Variants in ZNF79 observed in about 807,000 individuals in gnomAD.
ZNF79 encodes the protein zinc finger protein 79, also known as ZNFpT7.
ZNF79 carries 13 observed loss-of-function variants against 14.9 expected under a neutral mutation model. That is an observed-to-expected ratio of 0.87 (90% confidence interval 0.57 to 1.38). ZNF79 has a LOEUF of 1.38. ZNF79 is among the 40% of genes most tolerant of loss of function. The probability of loss-of-function intolerance (pLI) is 0.00; values close to 1 mark genes in which losing one functional copy is unlikely to be tolerated. For synonymous variants in ZNF79, 223 were observed against 235.1 expected, an observed-to-expected ratio of 0.95 and a Z score of 0.47; for missense variants, 631 against 630.6, an observed-to-expected ratio of 1.00 and a Z score of -0.01.
chr9:127,444,840 G>C lies in ZNF79; in HGVS notation c.1140G>C (p.Gln380His). 6.2e-7 allele frequency: 1 copy of C among 1,613,440 alleles called. No homozygotes were observed. The highest frequency in any genetic ancestry group is 8.5e-7 in the Non-Finnish European group (1 of 1,179,804). The change falls in exon 5 of 5, where the codon CAG (glutamine) becomes CAC (histidine). Residue 380 changes from glutamine (Q) to histidine (H), a missense_variant. Gln to His is a conservative substitution (Grantham distance 24, BLOSUM62 0). Coordinates refer to ENST00000342483, the MANE Select transcript of ZNF79 (RefSeq NM_007135.3). ...AGAGTGCAAACCTCACAAACCATCAGAGGACTCACACTGGGGAGAAACCCT... is the reference window on the plus strand; with the variant it reads ...AGAGTGCAAACCTCACAAACCATCACAGGACTCACACTGGGGAGAAACCCT... ...FSQSANLTNH[Q>H]RTHTGEKPYK... is the part of the protein sequence containing the mutation.
rs116129232 is a variant in ZNF79 at position 127,438,836 on chromosome 9, C to T, written c.328+2833C>T. Among the ~76,000 whole-genome samples, 466 of 152,234 alleles carry T rather than the reference C, an allele frequency of 3.1e-3. 1 individual carries two copies. Among genetic ancestry groups the T allele is most frequent in the African/African-American group, 0.01 (423 of 41,538 alleles). On this transcript the variant is annotated intron_variant, in intron 4 of 4. Transcript: ENST00000342483. ...ACAAAAGACTGTAGCAATGGCTGGG[C>T]GCAGTGGCTCACGCTTGTAATCCTA... is the stretch of plus-strand genomic sequence containing the variant.
intron 2 of ZNF79, among the ~76,000 whole-genome samples, chr9:127,432,169 T>TG (rs1833871756): frequency 6.6e-6 from 1 of 150,520 alleles, no homozygotes; most frequent in African/African-American, 2.4e-5. Context: ...TTTTTTTTTT[T>TG]GATGGAGTCT....
intron 2 of ZNF79, among the ~76,000 whole-genome samples, chr9:127,432,151 A>ATTTTTTT (rs34862357): frequency 7.5e-6 from 1 of 134,020 alleles, no homozygotes; most frequent in Non-Finnish European, 1.6e-5. Context: ...TTATTTTTAA[A>ATTTTTTT]TTTTTTTTTT....
chr9:127,432,764 A>G (rs547100910), intron 2 of ZNF79, among the ~76,000 whole-genome samples: 42 of 152,240 alleles, frequency 2.8e-4, no homozygotes, highest in Non-Finnish European at 5.6e-4. Flanking sequence ...CTGACTGTCA[A>G]TGACTGGGTT....
rs75530087 is a variant in ZNF79 at position 127,438,485 on chromosome 9, C to T, written c.328+2482C>T. Among the ~76,000 whole-genome samples, 21 of 152,342 alleles carry T rather than the reference C, an allele frequency of 1.4e-4. No individual in the cohort carries two copies. The East Asian group carries it at 4.1e-3, about 29-fold the overall frequency. On this transcript the variant is annotated intron_variant, in intron 4 of 4. Coordinates refer to ENST00000342483, the MANE Select transcript of ZNF79 (RefSeq NM_007135.3). ...CCATGTGTTCAGCTCTCTGGAAGCT[C>T]TCTAAACCCTGCCCTCCTGGGCCTT...
At chr9:127,443,836 G>A (rs1341025648) in intron 4 of ZNF79, among the ~76,000 whole-genome samples, 193 bp from the exon 5 acceptor site, 1 of 151,354 alleles carries the variant, frequency 6.6e-6, no homozygotes, top group African/African-American at 2.4e-5. Flanking sequence ...AGGAGGCGGA[G>A]GTTGCAGTGA....
chr9:127,443,890 G>T (rs1834095582), intron 4 of ZNF79, 139 bp from the exon 5 acceptor site: 1 of 759,954 alleles, frequency 1.3e-6, no homozygotes, highest in Admixed American at 4.0e-5. Context: ...GACAGAGCGA[G>T]ACTCCGTCTC....
chr9:127,445,261 T>G lies in ZNF79; in HGVS notation c.*64T>G. 6.5e-7 allele frequency: 1 copy of G among 1,540,342 alleles called. No homozygotes were observed. Among genetic ancestry groups the G allele is most frequent in the East Asian group, 2.3e-5 (1 of 44,366 alleles). On this transcript the variant is annotated 3_prime_UTR_variant, in exon 5 of 5. Coordinates refer to ENST00000342483, the MANE Select transcript of ZNF79 (RefSeq NM_007135.3). ...CCGACTCAGGACAGGTGGGTGAGGA[T>G]CTGAGAAATGCTAAAGGCTTGAAAG...
intron 2 of ZNF79, among the ~76,000 whole-genome samples, chr9:127,431,448 C>T (rs536811745): frequency 2.0e-3 from 308 of 152,100 alleles, no homozygotes; most frequent in Non-Finnish European, 3.5e-3. Context: ...GGGGTTTTTC[C>T]TTTTTGGCTA....
intron 4 of ZNF79, among the ~76,000 whole-genome samples, chr9:127,439,111 C>CAAAAAAAAAGAA (rs57224126): frequency 3.4e-5 from 5 of 145,572 alleles, no homozygotes; most frequent in African/African-American, 5.2e-5. Flanking sequence ...GACTCTGTCA[C>CAAAAAAAAAGAA]AAAAAAAAAG....
In ZNF79 at chr9:127,444,377, G is replaced by T; in HGVS notation, c.677G>T (p.Cys226Phe). The part of the protein sequence containing the change: ...TGEKPYECSE[C>F]GKAFSQSSSL... ...GAGAAGCCCTATGAGTGCAGTGAATGTGGGAAGGCCTTCAGCCAGAGCTCA... is the reference window on the plus strand; with the variant it reads ...GAGAAGCCCTATGAGTGCAGTGAATTTGGGAAGGCCTTCAGCCAGAGCTCA... Residue 226 changes from cysteine to phenylalanine, a missense_variant, in exon 5 of 5, where the codon TGT becomes TTT. By Grantham distance (205) the Cys-to-Phe change is radical. Transcript: ENST00000342483. 1 of 1,612,646 alleles carries T rather than the reference G, an allele frequency of 6.2e-7. No individual in the cohort carries two copies. Among genetic ancestry groups the T allele is most frequent in the Non-Finnish European group, 8.5e-7 (1 of 1,178,786 alleles).
chr9:127,428,953 T>C, intron 2 of ZNF79, 33 bp downstream of exon 2: 1 of 1,461,844 alleles, frequency 6.8e-7, no homozygotes, highest in Non-Finnish European at 9.3e-7. Context: ...AAGGCATCCT[T>C]TTCTTCCCCC....
chr9:127,435,183 A>T lies in ZNF79; in HGVS notation c.199A>T (p.Ile67Leu). 6.2e-7 allele frequency: 1 copy of T among 1,611,734 alleles called. No individual in the cohort carries two copies. Among genetic ancestry groups the T allele is most frequent in the Non-Finnish European group, 8.5e-7 (1 of 1,179,018 alleles). ...TCCACGGGACAGGTTCAAGGAGGGG[A>T]TACCAGGAAAGTCCAGGAGCCTTGT... ...STPRDRFKEG[I>L]PGKSRSLVLL... Residue 67 changes from isoleucine to leucine, a missense_variant, in exon 3 of 5, where the codon ATA becomes TTA. Coordinates refer to ENST00000342483, the MANE Select transcript of ZNF79 (RefSeq NM_007135.3).
At position 127,444,231 on chromosome 9, in the gene ZNF79, G is replaced by C; in HGVS notation, c.531G>C (p.Glu177Asp). The change falls in exon 5 of 5, where the codon GAG (glutamate) becomes GAC (aspartate). Residue 177 changes from glutamate (E) to aspartate (D), a missense_variant. Transcript: ENST00000342483. Reference sequence around the variant, plus strand: ...CTCGCAAATGTGAGACACACACCGAGAGCTTCAAGAACTCGGAAATCCTGA... The same window carrying C: ...CTCGCAAATGTGAGACACACACCGACAGCTTCAAGAACTCGGAAATCCTGA... ...ARPRKCETHT[E>D]SFKNSEILKP... 2 of 1,614,110 alleles carry C rather than the reference G, an allele frequency of 1.2e-6. No homozygotes were observed. The highest frequency in any genetic ancestry group is 1.7e-6 in the Non-Finnish European group (2 of 1,179,992).
rs34862357 is a variant in ZNF79 at position 127,432,151 on chromosome 9, ATTTTTTT to A, written c.106-2927_106-2921del. ...CTGCTTTCCTCAGGTTTATTTTTAA[ATTTTTTT>A]TTTTTTTTTTTGATGGAGTCTGACT... On this transcript the variant is annotated intron_variant, in intron 2 of 4. Transcript: ENST00000342483. Among the ~76,000 whole-genome samples, 3 of 134,014 alleles carry A rather than the reference ATTTTTTT, an allele frequency of 2.2e-5. No individual in the cohort carries two copies. In the East Asian group the frequency reaches 6.5e-4, roughly 29 times the overall value. 87.9% of individuals were successfully genotyped at this position (134,014 alleles called of 152,430 possible).
chr9:127,436,085 T>C, intron 4 of ZNF79, 82 bp downstream of exon 4: 1 of 1,202,438 alleles, frequency 8.3e-7, no homozygotes, highest in Non-Finnish European at 1.2e-6. Flanking sequence ...TTGATTATCA[T>C]AACAACTGTG....
In ZNF79 at chr9:127,428,269, C is replaced by CTGA. The variant is rs1588067747; in HGVS notation, c.17-563_17-562insTGA. Among the ~76,000 whole-genome samples the CTGA allele has an allele frequency of 5.3e-5, 8 of 152,290 alleles. No individual in the cohort carries two copies. In the East Asian group the frequency reaches 1.5e-3, roughly 29 times the overall value. On this transcript the variant is annotated intron_variant, in intron 1 of 4. Transcript: ENST00000342483. ...TTGCTGGGATTACAGGCATAAGCCA[C>CTGA]CGCACCTAGCCAAGAGTTACTTCTT... is the stretch of plus-strand genomic sequence containing the variant.
rs151262945 is a variant in ZNF79, at chr9:127,445,175, A to C, written c.1475A>C (p.Gln492Pro). Residue 492 changes from glutamine to proline, a missense_variant, in exon 5 of 5, where the codon CAG becomes CCG. Gln to Pro is a moderately conservative substitution (Grantham distance 76). Transcript: ENST00000342483. Reference sequence around the variant, plus strand: ...TGCAGCTCTGCCTTCGTTAGACATCAGAGACTCCACGCCGGAGAGTAACTA... The same window carrying C: ...TGCAGCTCTGCCTTCGTTAGACATCCGAGACTCCACGCCGGAGAGTAACTA... ...FRCSSAFVRH[Q>P]RLHAGE 130 of 1,614,048 alleles carry C rather than the reference A, an allele frequency of 8.1e-5. 2 individuals are homozygous for C. In the African/African-American group the frequency reaches 1.6e-3, roughly 20 times the overall value.
In ZNF79 at chr9:127,444,221, C is replaced by G; in HGVS notation, c.521C>G (p.Thr174Arg). The G allele has an allele frequency of 1.9e-6, 3 of 1,614,126 alleles. No individual in the cohort carries two copies. Among genetic ancestry groups the G allele is most frequent in the East Asian group, 4.5e-5 (2 of 44,886 alleles). ...GAAGCGAGACCTCGCAAATGTGAGA[C>G]ACACACCGAGAGCTTCAAGAACTCG... Reference protein sequence around the residue: ...PVEARPRKCETHTESFKNSEI... With the variant: ...PVEARPRKCERHTESFKNSEI... The change falls in exon 5 of 5, where the codon ACA (threonine) becomes AGA (arginine). Residue 174 changes from threonine (T) to arginine (R), a missense_variant. Coordinates refer to ENST00000342483, the MANE Select transcript of ZNF79 (RefSeq NM_007135.3).
Sources: allele counts gnomAD v4.1 joint callset (sites outside exome capture counted in the v4.1 genomes callset), GRCh38; gene constraint gnomAD v4.1.1; transcripts MANE v1.5; gene names NCBI Gene and HGNC (gene_info 2026-07-23, HGNC 2026-07-21).